Variants in SH3KBP1 observed in about 807,000 individuals in gnomAD.
The protein encoded by SH3KBP1 is SH3 domain containing kinase binding protein 1, also known as SH3 domain-containing kinase-binding protein 1.
A neutral mutation model predicts 50.1 loss-of-function variants in SH3KBP1; 8 were observed. The observed-to-expected ratio is 0.16, with a 90% CI of 0.09 to 0.29. The LOEUF (loss-of-function observed/expected upper bound fraction) is 0.29. Ranked by LOEUF, SH3KBP1 falls within the 10% of genes least tolerant of loss-of-function variation. The pLI, the probability that SH3KBP1 is intolerant of heterozygous loss-of-function variation, is 1.00. For missense variants in SH3KBP1, 377 were observed against 535.2 expected (o/e 0.70, Z 2.92); for synonymous variants, 227 against 218.6 (o/e 1.04, Z -0.34).
chrX:19,814,576 C>T (rs1001936625), intron 2 of SH3KBP1, among the ~76,000 whole-genome samples: 4 of 111,972 alleles, frequency 3.6e-5, no homozygotes, highest in African/African-American at 9.7e-5. Flanking sequence ...GGCCTTTGCA[C>T]GTGCCGTTCC....
At chrX:19,680,401 A>T (rs1321099190) in intron 6 of SH3KBP1, among the ~76,000 whole-genome samples, 1 of 108,820 alleles carries the variant, frequency 9.2e-6, no homozygotes. Flanking sequence ...AAAAAAAAAA[A>T]ACTTCACAAA....
chrX:19,757,314 C>T (rs1032735007), intron 2 of SH3KBP1, among the ~76,000 whole-genome samples: 1 of 109,729 alleles, frequency 9.1e-6, no homozygotes, highest in Non-Finnish European at 1.9e-5. Flanking sequence ...TACATGCCTA[C>T]CCCATATTTT....
chrX:19,725,909 C>T (rs989553064), intron 3 of SH3KBP1, among the ~76,000 whole-genome samples: 4 of 112,060 alleles, frequency 3.6e-5, no homozygotes, highest in African/African-American at 9.7e-5. Context: ...TCATGACCTA[C>T]GCCAGATGGA....
intron 2 of SH3KBP1, among the ~76,000 whole-genome samples, chrX:19,779,528 T>C (rs1361012298): frequency 3.0e-5 from 3 of 100,105 alleles, no homozygotes; most frequent in Non-Finnish European, 6.0e-5. Flanking sequence ...CTGCACCCAC[T>C]AACTCGTCAT....
chrX:19,848,538 C>T (rs186504816), intron 1 of SH3KBP1, among the ~76,000 whole-genome samples: 2 of 112,437 alleles, frequency 1.8e-5, no homozygotes, highest in African/African-American at 6.5e-5. Flanking sequence ...TTGGAAGATG[C>T]TAGGGAGCCA....
chrX:19,613,900 CAT>C (rs1338206161), intron 8 of SH3KBP1, among the ~76,000 whole-genome samples: 3 of 112,626 alleles, frequency 2.7e-5, no homozygotes, highest in South Asian at 3.6e-4. Context: ...TTTCCTGACA[CAT>C]GTGAAAATCT....
At chrX:19,627,270 G>A (rs747396354) in intron 8 of SH3KBP1, among the ~76,000 whole-genome samples, 21 of 112,314 alleles carry the variant, frequency 1.9e-4, no homozygotes, top group Admixed American at 4.7e-4. Context: ...TGCCCCAAGC[G>A]GCAGCGGCCA....
intron 6 of SH3KBP1, among the ~76,000 whole-genome samples, chrX:19,649,909 C>T (rs973754427): frequency 1.8e-5 from 2 of 112,244 alleles, no homozygotes; most frequent in African/African-American, 6.5e-5. Context: ...AACGTGAGAC[C>T]AAGATCCTGC....
intron 6 of SH3KBP1, among the ~76,000 whole-genome samples, chrX:19,666,911 C>G (rs963173773): frequency 8.9e-6 from 1 of 112,330 alleles, no homozygotes; most frequent in East Asian, 2.8e-4. Flanking sequence ...TACATTGTAG[C>G]ATTATTCACA....
intron 16 of SH3KBP1, among the ~76,000 whole-genome samples, chrX:19,540,533 T>A (rs1179603244): frequency 9.0e-6 from 1 of 111,446 alleles, no homozygotes; most frequent in East Asian, 2.8e-4. Flanking sequence ...AACCGAGTTA[T>A]CCCCCAAAAG....
chrX:19,541,393 G>A (rs764221806), intron 16 of SH3KBP1, among the ~76,000 whole-genome samples: 13 of 111,566 alleles, frequency 1.2e-4, no homozygotes, highest in South Asian at 3.8e-4. Flanking sequence ...CCACTGCCCC[G>A]CCCCGCCCAC....
At chrX:19,702,408 G>C (rs965234619) in intron 4 of SH3KBP1, among the ~76,000 whole-genome samples, 3 of 111,785 alleles carry the variant, frequency 2.7e-5, no homozygotes, top group African/African-American at 9.8e-5. Flanking sequence ...AAAGTACTTT[G>C]AAAGTGGAAG....
At chrX:19,765,079 G>T (rs986131321) in intron 2 of SH3KBP1, among the ~76,000 whole-genome samples, 1 of 89,520 alleles carries the variant, frequency 1.1e-5, no homozygotes, top group Non-Finnish European at 2.1e-5. Context: ...CAAGTGATCC[G>T]CCCACCTTGG....
At chrX:19,564,195 C>G (rs933586450) in intron 13 of SH3KBP1, among the ~76,000 whole-genome samples, 4 of 111,321 alleles carry the variant, frequency 3.6e-5, no homozygotes, top group African/African-American at 1.3e-4. Flanking sequence ...TATGAGAAAC[C>G]CTTAGAAGTG....
At position 19,819,428 on chromosome X, in the gene SH3KBP1, G is replaced by A. The variant is rs192675715; in HGVS notation, c.162+16697C>T. On this transcript the variant is annotated intron_variant, in intron 2 of 17. Transcript: ENST00000397821. ...AGCTCACTGCAGCCTCAACCTCCCA[G>A]GCTTAAGTAATCCTCCCACCTCAGC... Among the ~76,000 whole-genome samples, 27 of 111,354 alleles carry A rather than the reference G, an allele frequency of 2.4e-4. No individual in the cohort carries two copies. The East Asian group carries it at 7.0e-3, about 29-fold the overall frequency.
intron 8 of SH3KBP1, among the ~76,000 whole-genome samples, chrX:19,609,315 T>C (rs2067337289): frequency 9.0e-6 from 1 of 111,610 alleles, no homozygotes; most frequent in African/African-American, 3.3e-5. Flanking sequence ...CTGCCCAGTA[T>C]ATATATAATA....
At position 19,534,122 on chromosome X, in the gene SH3KBP1, T is replaced by C. The variant is rs1204603266; in HGVS notation, c.*2295A>G. ...TGCTGAATGCAAAATAATTTTTTTT[T>C]TTTTCAAAAGTGATACTTCCAAGCT... On this transcript the variant is annotated 3_prime_UTR_variant, in exon 18 of 18. Coordinates refer to ENST00000397821, the MANE Select transcript of SH3KBP1 (RefSeq NM_031892.3). 3 of 110,862 alleles carry C rather than the reference T, an allele frequency of 2.7e-5. No individual in the cohort carries two copies. The Admixed American group carries it at 2.9e-4, about 11-fold the overall frequency. The allele number at this position is 110,862 out of a possible 1,213,427, so 9.1% of individuals were successfully genotyped here.
intron 2 of SH3KBP1, among the ~76,000 whole-genome samples, chrX:19,771,678 A>G (rs1324460210): frequency 9.1e-6 from 1 of 110,409 alleles, no homozygotes; most frequent in Non-Finnish European, 1.9e-5. Flanking sequence ...AGCCTGGCCA[A>G]CATGGTGAAA....
chrX:19,589,421 A>G (rs764832396), intron 11 of SH3KBP1, among the ~76,000 whole-genome samples: 155 of 111,838 alleles, frequency 1.4e-3, no homozygotes, highest in African/African-American at 4.6e-3. Flanking sequence ...ATGAGCAAAT[A>G]AAAGGGAGAG....
Sources: allele counts gnomAD v4.1 joint callset (sites outside exome capture counted in the v4.1 genomes callset), GRCh38; gene constraint gnomAD v4.1.1; transcripts MANE v1.5; gene names NCBI Gene and HGNC (gene_info 2026-07-23, HGNC 2026-07-21).